Variants in DHX9 observed in about 807,000 individuals in gnomAD.
DHX9 encodes the protein ATP-dependent RNA helicase A.
A neutral mutation model predicts 148.7 loss-of-function variants in DHX9; 27 were observed. That is an observed-to-expected ratio of 0.18 (90% CI 0.13 to 0.25). The LOEUF (loss-of-function observed/expected upper bound fraction) is 0.25. Among genes scored for constraint, DHX9 ranks in the 10% least tolerant of loss-of-function variants. The pLI, the probability that DHX9 is intolerant of heterozygous loss-of-function variation, is 1.00. For missense variants in DHX9, 796 were observed against 1,559.6 expected, an observed-to-expected ratio of 0.51 and a Z score of 8.25; for synonymous variants, 529 against 516.6, an observed-to-expected ratio of 1.02 and a Z score of -0.33.
intron 19 of DHX9, chr1:182,877,748 C>A: frequency 3.0e-6 from 1 of 334,316 alleles, no homozygotes; most frequent in Non-Finnish European, 5.5e-6. Flanking sequence ...TTAATGTTTA[C>A]CAAAAAAACT....
At chr1:182,865,682 A>G (rs13373977) in intron 12 of DHX9, among the ~76,000 whole-genome samples, 11,760 of 152,266 alleles carry the variant, frequency 0.077, 562 homozygotes, top group South Asian at 0.14. Flanking sequence ...GCCTGTCATC[A>G]GGAACTTATA....
intron 14 of DHX9, among the ~76,000 whole-genome samples, chr1:182,868,044 A>G (rs1021489261): frequency 2.6e-5 from 4 of 152,148 alleles, no homozygotes; most frequent in African/African-American, 9.7e-5. Context: ...GTTACCAGCC[A>G]TAAGTTCAGT....
At chr1:182,845,082 C>A (rs1029508305) in intron 3 of DHX9, among the ~76,000 whole-genome samples, 6 of 152,190 alleles carry the variant, frequency 3.9e-5, no homozygotes, top group African/African-American at 1.2e-4. Context: ...TGACTAAGAA[C>A]TCGATAGACT....
chr1:182,859,138 C>G, intron 11 of DHX9, 21 bp downstream of exon 11: 1 of 1,601,508 alleles, frequency 6.2e-7, no homozygotes, highest in Non-Finnish European at 8.6e-7. Flanking sequence ...ATTATTTAGA[C>G]AAGTAGTGCT....
intron 5 of DHX9, 56 bp downstream of exon 5, chr1:182,853,474 C>A: frequency 7.5e-7 from 1 of 1,328,506 alleles, no homozygotes; most frequent in African/African-American, 1.5e-5. Context: ...ACTTAGTTAA[C>A]AGCAAAGCTT....
intron 27 of DHX9, among the ~76,000 whole-genome samples, chr1:182,885,713 A>C (rs978070400): frequency 5.3e-5 from 8 of 152,226 alleles, no homozygotes; most frequent in African/African-American, 1.9e-4. Context: ...ATAAGACCCA[A>C]GGTCATACAG....
At chr1:182,842,252 T>G (rs148700432) in intron 1 of DHX9, among the ~76,000 whole-genome samples, 49 of 152,316 alleles carry the variant, frequency 3.2e-4, no homozygotes, top group Non-Finnish European at 5.6e-4. Flanking sequence ...AAATACTTTG[T>G]AAGAAAAGAT....
At chr1:182,859,249 T>A in intron 11 of DHX9, 132 bp downstream of exon 11, 1 of 685,888 alleles carries the variant, frequency 1.5e-6, no homozygotes, top group Non-Finnish European at 2.4e-6. Flanking sequence ...AAACTGCTAA[T>A]CCTAGTTACC....
At chr1:182,869,244 G>GT (rs1193272751) in intron 14 of DHX9, among the ~76,000 whole-genome samples, 1 of 152,164 alleles carries the variant, frequency 6.6e-6, no homozygotes, top group African/African-American at 2.4e-5. Context: ...ACCTTGTCCG[G>GT]TATTGTTTGG....
intron 3 of DHX9, among the ~76,000 whole-genome samples, chr1:182,843,771 AT>A (rs1667973650): frequency 6.6e-6 from 1 of 152,164 alleles, no homozygotes; most frequent in African/African-American, 2.4e-5. Flanking sequence ...AATCAGTAAT[AT>A]TTTAGACATG....
At chr1:182,880,993 G>A (rs992462246) in intron 22 of DHX9, among the ~76,000 whole-genome samples, 1 of 152,182 alleles carries the variant, frequency 6.6e-6, no homozygotes, top group Admixed American at 6.5e-5. Context: ...AAGATTAAGA[G>A]ATTTGGTATG....
intron 21 of DHX9, 123 bp downstream of exon 21, chr1:182,879,533 ATAG>A: frequency 1.1e-6 from 1 of 889,734 alleles, no homozygotes; most frequent in Non-Finnish European, 1.5e-6. Flanking sequence ...TGTGATAATA[ATAG>A]TAAGGCCTCC....
At chr1:182,859,926 A>G in intron 11 of DHX9, 67 bp from the exon 12 acceptor site, 1 of 1,487,366 alleles carries the variant, frequency 6.7e-7, no homozygotes, top group Admixed American at 2.1e-5. Flanking sequence ...AGTTTTTTAA[A>G]GGATCAAGAC....
intron 15 of DHX9, among the ~76,000 whole-genome samples, chr1:182,873,815 T>G (rs1480470597): frequency 6.6e-6 from 1 of 152,154 alleles, no homozygotes; most frequent in East Asian, 1.9e-4. Flanking sequence ...GAGCCAGATA[T>G]TCCTGGAGAA....
intron 3 of DHX9, among the ~76,000 whole-genome samples, chr1:182,849,701 T>C (rs999405396): frequency 7.9e-5 from 12 of 152,224 alleles, no homozygotes; most frequent in African/African-American, 2.9e-4. Flanking sequence ...TAGTATTCTT[T>C]TAATTTGCTT....
chr1:182,855,325 TG>T (rs1350539553), intron 6 of DHX9, among the ~76,000 whole-genome samples: 1 of 152,262 alleles, frequency 6.6e-6, no homozygotes, highest in Non-Finnish European at 1.5e-5. Flanking sequence ...AGACATTTTT[TG>T]TTATCAGTAT....
At position 182,887,494 on chromosome 1, in the gene DHX9, T is replaced by C. The variant is rs116063296; in HGVS notation, c.*60T>C. 554 of 1,438,376 alleles carry C rather than the reference T, an allele frequency of 3.9e-4. 1 individual carries two copies. Among genetic ancestry groups the C allele is most frequent in the Non-Finnish European group, 5.1e-4 (537 of 1,056,732 alleles). The allele number at this position is 1,438,376 out of a possible 1,614,324, so 89.1% of individuals were successfully genotyped here. ...AAGGAAAAAAAGGCATGCTATGTGT[T>C]ACGTGTTTTTTCCAGTATGTTTATT... On this transcript the variant is annotated 3_prime_UTR_variant, in exon 28 of 28. Coordinates refer to ENST00000367549, the MANE Select transcript of DHX9 (RefSeq NM_001357.5).
At chr1:182,862,295 C>T (rs556357521) in intron 12 of DHX9, among the ~76,000 whole-genome samples, 1 of 152,262 alleles carries the variant, frequency 6.6e-6, no homozygotes, top group South Asian at 2.1e-4. Flanking sequence ...GAATGAGTAG[C>T]TCAAACCATG....
chr1:182,864,387 G>T (rs1413943257), intron 12 of DHX9, among the ~76,000 whole-genome samples: 10 of 152,148 alleles, frequency 6.6e-5, no homozygotes, highest in African/African-American at 2.2e-4. Context: ...CGGGCTTAAA[G>T]ATTTTTTCTG....
Sources: allele counts gnomAD v4.1 joint callset (sites outside exome capture counted in the v4.1 genomes callset), GRCh38; gene constraint gnomAD v4.1.1; transcripts MANE v1.5; gene names NCBI Gene and HGNC (gene_info 2026-07-23, HGNC 2026-07-21).